The following MATK variants were observed in gnomAD, a reference collection of about 807,000 sequenced individuals.
MATK encodes megakaryocyte-associated tyrosine-protein kinase.
Under a neutral mutation model 59.8 loss-of-function variants are expected in MATK, and 41 were observed. That is an observed-to-expected ratio of 0.69 (90% CI 0.53 to 0.89). The LOEUF is 0.89. Among genes scored for constraint, MATK ranks in the 40% least tolerant of loss-of-function variants. The pLI, the probability that MATK is intolerant of heterozygous loss-of-function variation, is 0.00. For synonymous variants in MATK, 308 were observed against 306.1 expected (o/e 1.01, Z -0.06); for missense variants, 593 against 719.6 (o/e 0.82, Z 2.01).
intron 1 of MATK, among the ~76,000 whole-genome samples, chr19:3,795,911 G>A (rs760481569): frequency 4.0e-5 from 6 of 151,618 alleles, no homozygotes; most frequent in African/African-American, 4.8e-5. Context: ...ACAGGCACGC[G>A]CCATCACGCC....
At position 3,784,015 on chromosome 19, in the gene MATK, G is replaced by T; in HGVS notation, c.381C>A (p.Ile127=). 2.5e-6 allele frequency: 4 copies of T among 1,607,350 alleles called. No homozygotes were observed. Among genetic ancestry groups the T allele is most frequent in the Non-Finnish European group, 3.4e-6 (4 of 1,176,226 alleles). Residue 127 remains isoleucine, a synonymous_variant, in exon 6 of 14, where the codon ATC becomes ATA. Coordinates refer to ENST00000310132, the MANE Select transcript of MATK (RefSeq NM_139355.3). ...GCTGCTGGACAGCCTCCTGGCCCGA[G>T]ATCTTCCCGTGGAACCACCTGCGGC... ...LSLMPWFHGK[I]SGQEAVQQLQ...
rs757259529 is a variant in MATK, at chr19:3,784,074, G to C, written c.363-41C>G. The stretch of plus-strand genomic sequence containing the variant: ...GGGTGGGTCAGACTGGGCTGTGGAG[G>C]GGGGGTCACTTGCTGTCCCCTACCC... On this transcript the variant is annotated intron_variant, in intron 5 of 13. Transcript: ENST00000310132. 8.2e-6 allele frequency: 13 copies of C among 1,590,220 alleles called. No individual in the cohort carries two copies. The East Asian group carries it at 1.6e-4, about 19-fold the overall frequency.
In MATK at chr19:3,784,123, C is replaced by T. The variant is rs770288095; in HGVS notation, c.362+1G>A. ...CCCAGGCCCCTGTCCTGCCCACTCACGGCATGAGGCTGAGCTTGGGGTCTG... is the reference window on the plus strand; with the variant it reads ...CCCAGGCCCCTGTCCTGCCCACTCATGGCATGAGGCTGAGCTTGGGGTCTG... On this transcript the variant is annotated splice_donor_variant, in intron 5 of 13. Transcript: ENST00000310132. LOFTEE classifies it high-confidence loss of function. The T allele has an allele frequency of 5.6e-6, 9 of 1,606,038 alleles. No homozygotes were observed. The East Asian group carries it at 6.7e-5, about 12-fold the overall frequency.
intron 3 of MATK, 22 bp from the exon 4 acceptor site, chr19:3,784,473 G>A (rs1361443895): frequency 6.5e-7 from 1 of 1,544,048 alleles, no homozygotes; most frequent in Admixed American, 1.8e-5. Context: ...GCCGGGAGAG[G>A]GGCAAAGGGA....
chr19:3,786,737 A>G (rs765388286), upstream of MATK, among the ~76,000 whole-genome samples: 3 of 152,050 alleles, frequency 2.0e-5, no homozygotes, highest in Admixed American at 6.5e-5. This position sits in a 1 kb window ranked among gnomAD's most constrained non-coding sequence, Gnocchi z 4.1. Context: ...TCAGAGGGCT[A>G]TTGGTGGTTG....
chr19:3,785,024 G>A (rs201890267), intron 2 of MATK, 40 bp downstream of exon 2: 1 of 1,600,292 alleles, frequency 6.2e-7, no homozygotes, highest in Non-Finnish European at 8.6e-7. Flanking sequence ...ATGGGACCCA[G>A]AACTGGCTCC....
In MATK at chr19:3,795,000, T is replaced by C. The variant is rs569522153; in HGVS notation, c.-57-5596A>G. Among the ~76,000 whole-genome samples, 695 of 133,722 alleles carry C rather than the reference T, an allele frequency of 5.2e-3. 6 individuals carry two copies. The highest frequency in any genetic ancestry group is 0.019 in the African/African-American group (657 of 34,616). 87.7% of individuals were successfully genotyped at this position (133,722 alleles called of 152,430 possible). On this transcript the variant is annotated intron_variant, in intron 1 of 13. Transcript: ENST00000395045. Reference sequence around the variant, plus strand: ...CTTTTTTTTTTTTTTTTTTTTGAGCTGGAGTCTCGCTCTGTTGCCCAGGCT... The same window carrying C: ...CTTTTTTTTTTTTTTTTTTTTGAGCCGGAGTCTCGCTCTGTTGCCCAGGCT...
intron 8 of MATK, 141 bp downstream of exon 8, chr19:3,781,466 G>A: frequency 1.2e-6 from 1 of 846,266 alleles, no homozygotes; most frequent in East Asian, 2.6e-5. Context: ...GGGGGAAACT[G>A]AGGCTCAGAG....
At chr19:3,791,881 G>A (rs2037545146) in intron 1 of MATK, among the ~76,000 whole-genome samples, 1 of 151,890 alleles carries the variant, frequency 6.6e-6, no homozygotes, top group Non-Finnish European at 1.5e-5. Flanking sequence ...GCCGAGGTGG[G>A]TGGTTCACCT....
At chr19:3,796,241 T>G (rs144180965) in intron 1 of MATK, among the ~76,000 whole-genome samples, 13 of 152,328 alleles carry the variant, frequency 8.5e-5, no homozygotes, top group African/African-American at 2.9e-4. Context: ...GGTGTTTTAC[T>G]GTGTGCTGAA....
chr19:3,781,758 G>A, intron 7 of MATK, 86 bp from the exon 8 acceptor site: 10 of 1,018,564 alleles, frequency 9.8e-6, no homozygotes, highest in Non-Finnish European at 1.4e-5. Context: ...ACTAGGTGAT[G>A]TCTCTCACAG....
chr19:3,785,320 G>C, intron 1 of MATK, 34 bp from the exon 2 acceptor site: 1 of 1,357,072 alleles, frequency 7.4e-7, no homozygotes. Context: ...TGGGGAAATA[G>C]GGATGAGTCA....
intron 1 of MATK, among the ~76,000 whole-genome samples, chr19:3,791,754 C>T (rs1298864335): frequency 2.0e-5 from 3 of 152,138 alleles, no homozygotes; most frequent in East Asian, 3.9e-4. Flanking sequence ...CATAATCTGC[C>T]TAACCCACTA....
intron 1 of MATK, among the ~76,000 whole-genome samples, chr19:3,794,708 G>A (rs1160151382): frequency 6.6e-6 from 1 of 151,980 alleles, no homozygotes; most frequent in Non-Finnish European, 1.5e-5. Context: ...ACATTATTCC[G>A]GAATAAACCA....
chr19:3,779,969 G>A (rs919450439), intron 8 of MATK, among the ~76,000 whole-genome samples, 172 bp from the exon 9 acceptor site: 1 of 152,198 alleles, frequency 6.6e-6, no homozygotes, highest in Non-Finnish European at 1.5e-5. Flanking sequence ...GCCCTTGCAA[G>A]CTCCAGACCC....
upstream of MATK, among the ~76,000 whole-genome samples, chr19:3,786,724 G>A (rs1015893421): frequency 1.3e-5 from 2 of 152,012 alleles, no homozygotes; most frequent in African/African-American, 4.8e-5. This position sits in a 1 kb window ranked among gnomAD's most constrained non-coding sequence, Gnocchi z 4.1. Flanking sequence ...AGCACCCACC[G>A]TCTCAGAGGG....
upstream of MATK, chr19:3,789,145 C>T: frequency 3.4e-6 from 2 of 584,870 alleles, no homozygotes. Context: ...GGGGACGCTG[C>T]AGCTGTCCTT....
chr19:3,784,047 A>C lies in MATK; in HGVS notation c.363-14T>G. ...CCGTGGAACCACCTGCGGCCACGGA[A>C]GGGGTGGGTCAGACTGGGCTGTGGA... On this transcript the variant is annotated splice_polypyrimidine_tract_variant and intron_variant, in intron 5 of 13. Coordinates refer to ENST00000310132, the MANE Select transcript of MATK (RefSeq NM_139355.3). 1 of 1,600,676 alleles carries C rather than the reference A, an allele frequency of 6.2e-7. No individual in the cohort carries two copies. Among genetic ancestry groups the C allele is most frequent in the South Asian group, 1.1e-5 (1 of 89,922 alleles).
chr19:3,789,302 G>A (rs760300964), upstream of MATK: 51 of 779,198 alleles, frequency 6.5e-5, no homozygotes, highest in Non-Finnish European at 9.4e-5. Context: ...CGGGTCCCTC[G>A]CCGAGGTCTG....
Sources: gnomAD v4.1 joint callset for allele counts (sites outside exome capture counted in the v4.1 genomes callset) on GRCh38, gnomAD v4.1.1 for gene constraint, Gnocchi (gnomAD v3.1) non-coding constraint, MANE v1.5 for transcripts, NCBI Gene and HGNC (gene_info 2026-07-23, HGNC 2026-07-21) for gene names.